The following RGS3 variants were observed in gnomAD, a reference collection of about 807,000 sequenced individuals.
RGS3 encodes the protein regulator of G protein signaling 3.
RGS3 carries 80 observed loss-of-function variants against 132.6 expected under a neutral mutation model. The ratio of observed to expected loss-of-function variants is 0.60; its 90% CI spans 0.50 to 0.73. RGS3 has a LOEUF of 0.73. Among genes scored for constraint, RGS3 ranks in the 30% least tolerant of loss-of-function variants. The probability of loss-of-function intolerance (pLI) is 0.00; values close to 1 mark genes in which losing one functional copy is unlikely to be tolerated. For synonymous variants in RGS3, 598 were observed against 620.6 expected, an observed-to-expected ratio of 0.96 and a Z score of 0.54; for missense variants, 1,382 against 1,530.8, an observed-to-expected ratio of 0.90 and a Z score of 1.62.
intron 8 of RGS3, among the ~76,000 whole-genome samples, chr9:113,497,087 G>A (rs536782777): frequency 2.7e-4 from 41 of 152,328 alleles, no homozygotes; most frequent in Non-Finnish European, 5.0e-4. Flanking sequence ...GTCCTCCAGG[G>A]ATAAGAGGCT....
At chr9:113,458,015 C>G (rs527976277), upstream of RGS3, among the ~76,000 whole-genome samples, 1 of 152,256 alleles carries the variant, frequency 6.6e-6, no homozygotes, top group African/African-American at 2.4e-5. Context: ...CTTCATAGAC[C>G]AATTTGACTG....
chr9:113,577,283 C>T (rs1834576772), intron 19 of RGS3, among the ~76,000 whole-genome samples: 1 of 152,204 alleles, frequency 6.6e-6, no homozygotes, highest in Non-Finnish European at 1.5e-5. Flanking sequence ...CGTGCCTGGC[C>T]TCAACTTTTA....
chr9:113,462,263 G>C (rs1282505785), intron 3 of RGS3: 13 of 1,016,194 alleles, frequency 1.3e-5, no homozygotes, highest in Non-Finnish European at 1.7e-5. Flanking sequence ...TAAAGGCAGT[G>C]TTCACCATGT....
At chr9:113,498,140 T>G in intron 10 of RGS3, 60 bp downstream of exon 8, 1 of 1,528,546 alleles carries the variant, frequency 6.5e-7, no homozygotes, top group East Asian at 2.3e-5. Flanking sequence ...TGACAGCCCC[T>G]GGGCCCGGGA....
chr9:113,489,176 C>G (rs999414650), intron 7 of RGS3, among the ~76,000 whole-genome samples: 1 of 152,208 alleles, frequency 6.6e-6, no homozygotes, highest in African/African-American at 2.4e-5. Context: ...TATGTAACAG[C>G]TCATATTTAC....
chr9:113,502,839 C>T (rs1232215643), intron 10 of RGS3, among the ~76,000 whole-genome samples: 1 of 152,190 alleles, frequency 6.6e-6, no homozygotes, highest in African/African-American at 2.4e-5. Flanking sequence ...TAGCTCTGTT[C>T]CTCTTTAGCT....
At chr9:113,486,341 G>C (rs927015719) in intron 7 of RGS3, among the ~76,000 whole-genome samples, 35 of 152,338 alleles carry the variant, frequency 2.3e-4, no homozygotes, top group African/African-American at 7.0e-4. Context: ...ATGAGCAAAG[G>C]CAAGGAGGCA....
intron 7 of RGS3, among the ~76,000 whole-genome samples, chr9:113,491,256 C>CT (rs1425386220): frequency 1.3e-5 from 2 of 148,718 alleles, no homozygotes; most frequent in Non-Finnish European, 3.0e-5. Context: ...AGGGCATAAT[C>CT]TTTTTTTAAA....
intron 4 of RGS3, 35 bp from the exon 3 acceptor site, chr9:113,483,024 C>T: frequency 6.2e-7 from 1 of 1,613,804 alleles, no homozygotes; most frequent in Non-Finnish European, 8.5e-7. Context: ...TGTATGTTTC[C>T]ATTCATCCAC....
At chr9:113,536,575 T>C in intron 18 of RGS3, 2 of 1,360,428 alleles carry the variant, frequency 1.5e-6, no homozygotes, top group South Asian at 1.5e-5. Flanking sequence ...TCCCCCAACC[T>C]GTGGGCCCAC....
At chr9:113,461,654 TC>T in intron 1 of RGS3, 1 of 1,560,324 alleles carries the variant, frequency 6.4e-7, no homozygotes, top group South Asian at 1.2e-5. Flanking sequence ...GAATCTTTGT[TC>T]CCATTACCGG....
chr9:113,505,707 T>C (rs748274126), intron 11 of RGS3, among the ~76,000 whole-genome samples, 184 bp downstream of exon 9: 7 of 151,520 alleles, frequency 4.6e-5, no homozygotes, highest in Non-Finnish European at 8.8e-5. Context: ...ATATGCCCAC[T>C]TTTTTTTTGT....
At chr9:113,562,671 TGGGCCAC>T (rs1833844569) in intron 19 of RGS3, among the ~76,000 whole-genome samples, 1 of 151,912 alleles carries the variant, frequency 6.6e-6, no homozygotes, top group Non-Finnish European at 1.5e-5. Flanking sequence ...CCTGGGCCTG[TGGGCCAC>T]CTAGATCTTA....
At chr9:113,517,030 C>A (rs1270445709) in intron 15 of RGS3, among the ~76,000 whole-genome samples, 1 of 152,122 alleles carries the variant, frequency 6.6e-6, no homozygotes, top group African/African-American at 2.4e-5. Context: ...GATAATTGAC[C>A]CTTGGGGGAT....
chr9:113,596,618 T>C (rs1235829322), intron 24 of RGS3, 150 bp from the exon 23 acceptor site: 2 of 623,642 alleles, frequency 3.2e-6, no homozygotes, highest in Non-Finnish European at 5.3e-6. Context: ...TTGAATCCTC[T>C]GGTCTGAGGG....
intron 3 of RGS3, among the ~76,000 whole-genome samples, chr9:113,464,778 G>C (rs1829573822): frequency 6.6e-6 from 1 of 152,202 alleles, no homozygotes; most frequent in Non-Finnish European, 1.5e-5. Context: ...GGTTGGGGCT[G>C]TTACTGAAAC....
At chr9:113,493,953 T>C (rs1234512919) in intron 7 of RGS3, among the ~76,000 whole-genome samples, 1 of 152,194 alleles carries the variant, frequency 6.6e-6, no homozygotes, top group Non-Finnish European at 1.5e-5. Context: ...TTTGATATTG[T>C]GCCTTCCATA....
intron 19 of RGS3, chr9:113,541,403 A>G (rs776638473): frequency 5.0e-6 from 8 of 1,613,648 alleles, no homozygotes; most frequent in Non-Finnish European, 5.9e-6. Context: ...GCTTTACCTC[A>G]CCAGGACAGA....
Position 113,463,983 on chromosome 9 carries a change from T to C in RGS3, c.415+1782T>C. The C allele has an allele frequency of 8.0e-7, 1 of 1,253,776 alleles. No individual in the cohort carries two copies. Among genetic ancestry groups the C allele is most frequent in the Non-Finnish European group, 1.1e-6 (1 of 891,120 alleles). The allele number at this position is 1,253,776 out of a possible 1,614,324, so 77.7% of individuals were successfully genotyped here. ...GACAGGGGAGGCTGGGAGCAGGTGC[T>C]CTTTCTATCTAGGGGCACCTTCTCT... On this transcript the variant is annotated intron_variant, in intron 3 of 24. Coordinates refer to ENST00000350696, the Ensembl canonical transcript of RGS3. This position sits in a 1 kb window ranked among gnomAD's most constrained non-coding sequence, Gnocchi z 4.6.
Sources: gnomAD v4.1 joint callset for allele counts (sites outside exome capture counted in the v4.1 genomes callset) on GRCh38, gnomAD v4.1.1 for gene constraint, Gnocchi (gnomAD v3.1) non-coding constraint, MANE v1.5 for transcripts, NCBI Gene and HGNC (gene_info 2026-07-23, HGNC 2026-07-21) for gene names.